TBX20: variants seen among roughly 807,000 people sequenced by gnomAD.
TBX20 encodes the protein T-box transcription factor 20.
TBX20 carries 8 observed loss-of-function variants against 42.9 expected under a neutral mutation model. The ratio of observed to expected loss-of-function variants is 0.19; its 90% CI spans 0.11 to 0.34. The LOEUF is 0.34. Among genes scored for constraint, TBX20 ranks in the 10% least tolerant of loss-of-function variants. The probability of loss-of-function intolerance (pLI) is 1.00; values close to 1 mark genes in which losing one functional copy is unlikely to be tolerated. For missense variants in TBX20, 411 were observed against 566.0 expected, an observed-to-expected ratio of 0.73 and a Z score of 2.78; for synonymous variants, 198 against 222.8, an observed-to-expected ratio of 0.89 and a Z score of 0.99.
chr7:35,204,676 A>G, intron 6 of TBX20, 94 bp from the exon 7 acceptor site: 1 of 922,966 alleles, frequency 1.1e-6, no homozygotes, highest in South Asian at 1.4e-5. Flanking sequence ...CAGTAAAACC[A>G]TTTTCTCAGC....
chr7:35,222,704 C>G (rs1789702461), intron 6 of TBX20, among the ~76,000 whole-genome samples: 1 of 152,076 alleles, frequency 6.6e-6, no homozygotes, highest in South Asian at 2.1e-4. Flanking sequence ...CAGGCTGGGA[C>G]AGCCCTCGCC....
At chr7:35,205,680 G>A (rs1191956098) in intron 6 of TBX20, among the ~76,000 whole-genome samples, 1 of 152,210 alleles carries the variant, frequency 6.6e-6, no homozygotes, top group Non-Finnish European at 1.5e-5. Context: ...TAAATTTGGT[G>A]TTGTAGAAAG....
chr7:35,225,296 C>T (rs2532170), intron 6 of TBX20, among the ~76,000 whole-genome samples: 13 of 151,828 alleles, frequency 8.6e-5, no homozygotes, highest in African/African-American at 2.9e-4. Context: ...ATTTTAGATA[C>T]GCCCAGTTGC....
intron 5 of TBX20, among the ~76,000 whole-genome samples, chr7:35,233,765 T>A (rs1034870632): frequency 6.6e-6 from 1 of 152,240 alleles, no homozygotes; most frequent in African/African-American, 2.4e-5. Context: ...ACAACTATAC[T>A]TAAAATGCGT....
chr7:35,210,258 G>A (rs796513844), intron 6 of TBX20, among the ~76,000 whole-genome samples: 37 of 151,860 alleles, frequency 2.4e-4, no homozygotes, highest in African/African-American at 8.7e-4. Context: ...GGGACTACAG[G>A]TGCCCACCAC....
Position 35,240,860 on chromosome 7 carries a change from T to C in TBX20, c.813+19A>G, listed in dbSNP as rs1419071913. 1.2e-6 allele frequency: 2 copies of C among 1,612,130 alleles called. No homozygotes were observed. Among genetic ancestry groups the C allele is most frequent in the Non-Finnish European group, 1.7e-6 (2 of 1,178,234 alleles). On this transcript the variant is annotated intron_variant, in intron 5 of 7. Transcript: ENST00000408931. ...ATCCTTCTCTTATGCAGGAACTAAA[T>C]TGTGAACTGTACACTCACCAGTTGA...
At chr7:35,228,595 T>C (rs1789815969) in intron 6 of TBX20, among the ~76,000 whole-genome samples, 1 of 152,156 alleles carries the variant, frequency 6.6e-6, no homozygotes, top group African/African-American at 2.4e-5. Flanking sequence ...AGATAACTCC[T>C]CCCAGTTATT....
intron 5 of TBX20, among the ~76,000 whole-genome samples, chr7:35,239,895 GC>G (rs1452902339): frequency 1.3e-5 from 2 of 152,020 alleles, no homozygotes; most frequent in Non-Finnish European, 2.9e-5. Context: ...GGGACTACAG[GC>G]ACCTGCCACC....
chr7:35,209,537 T>C (rs1199297890), intron 6 of TBX20, among the ~76,000 whole-genome samples: 1 of 152,188 alleles, frequency 6.6e-6, no homozygotes, highest in East Asian at 1.9e-4. Flanking sequence ...TTGATTATGG[T>C]AATTTATATT....
intron 3 of TBX20, among the ~76,000 whole-genome samples, chr7:35,245,980 G>T (rs1790175453): frequency 6.6e-6 from 1 of 152,162 alleles, no homozygotes; most frequent in Admixed American, 6.5e-5. Context: ...CCACGTAAAA[G>T]GTTATTTACA....
chr7:35,237,569 A>C (rs952143446), intron 5 of TBX20, among the ~76,000 whole-genome samples: 4 of 151,574 alleles, frequency 2.6e-5, no homozygotes, highest in African/African-American at 9.7e-5. Context: ...GTACGTTTGC[A>C]TATAGAGAGA....
At chr7:35,206,501 C>A (rs1294441195) in intron 6 of TBX20, among the ~76,000 whole-genome samples, 1 of 152,084 alleles carries the variant, frequency 6.6e-6, no homozygotes, top group African/African-American at 2.4e-5. Flanking sequence ...GAGCCGAGAT[C>A]GTGCCACTTC....
intron 6 of TBX20, among the ~76,000 whole-genome samples, chr7:35,225,584 A>C (rs1479536356): frequency 1.3e-5 from 2 of 152,364 alleles, no homozygotes; most frequent in African/African-American, 4.8e-5. Context: ...AGAACGTACA[A>C]ACTCGAAAAT....
intron 6 of TBX20, among the ~76,000 whole-genome samples, chr7:35,225,767 C>T (rs1789759554): frequency 6.6e-6 from 1 of 152,136 alleles, no homozygotes; most frequent in African/African-American, 2.4e-5. Flanking sequence ...ATTCCTGTAA[C>T]ATTTATGTAG....
At chr7:35,242,045 C>T (rs1226935091) in intron 4 of TBX20, among the ~76,000 whole-genome samples, 1 of 150,514 alleles carries the variant, frequency 6.6e-6, no homozygotes, top group Non-Finnish European at 1.5e-5. Flanking sequence ...TCTCAGGAGA[C>T]ATCTGACTAT....
In TBX20 at chr7:35,226,251, T is replaced by C. The variant is rs1055493175; in HGVS notation, c.890+5253A>G. On this transcript the variant is annotated intron_variant, in intron 6 of 7. Transcript: ENST00000408931. Reference sequence around the variant, plus strand: ...AAATCAAAGAACGAGAGCAACAGATTTGGTGATAAAACCATCTATGTATCA... The same window carrying C: ...AAATCAAAGAACGAGAGCAACAGATCTGGTGATAAAACCATCTATGTATCA... Among the ~76,000 whole-genome samples the C allele has an allele frequency of 7.8e-4, 118 of 151,938 alleles. 2 individuals are homozygous for C. Among genetic ancestry groups the C allele is most frequent in the Non-Finnish European group, 1.2e-4 (8 of 67,966 alleles).
chr7:35,220,533 GACAACTCTCTA>G (rs1789663949), intron 6 of TBX20, among the ~76,000 whole-genome samples: 1 of 152,150 alleles, frequency 6.6e-6, no homozygotes. Context: ...ATCTATCTGC[GACAACTCTCTA>G]ACTTAAACAG....
Position 35,202,608 on chromosome 7 carries a change from G to GT in TBX20, c.1165_1166insA (p.Pro389HisfsTer3). On this transcript the variant is annotated frameshift_variant, in exon 8 of 8. Coordinates refer to ENST00000408931, the MANE Select transcript of TBX20 (RefSeq NM_001077653.2). LOFTEE classifies it high-confidence loss of function. ...CAGAGGCATTCCCAGTCGGCTATAT[G>GT]GTGGCAGAGAACCCTGGATGGGGTG... The GT allele has an allele frequency of 6.2e-7, 1 of 1,613,968 alleles. No individual in the cohort carries two copies. Among genetic ancestry groups the GT allele is most frequent in the Non-Finnish European group, 8.5e-7 (1 of 1,179,898 alleles).
At position 35,253,540 on chromosome 7, in the gene TBX20, G is replaced by A. The variant is rs113390069; in HGVS notation, c.81C>T (p.Gly27=). The change falls in exon 1 of 8, where the codon GGC becomes GGT. Residue 27 remains glycine, a synonymous_variant. Transcript: ENST00000408931. ...AFSIAALMSS[G]GSKEKEATEN... is the part of the protein sequence containing the mutation. ...CCGTCGCCTCCTTCTCCTTAGAGCC[G>A]CCGCTCGACATGAGCGCGGCAATGG... 64 of 1,612,578 alleles carry A rather than the reference G, an allele frequency of 4.0e-5. No homozygotes were observed. Among genetic ancestry groups the A allele is most frequent in the Non-Finnish European group, 5.2e-5 (61 of 1,179,930 alleles).
Sources: gnomAD v4.1 joint callset for allele counts (sites outside exome capture counted in the v4.1 genomes callset) on GRCh38, gnomAD v4.1.1 for gene constraint, MANE v1.5 for transcripts, NCBI Gene and HGNC (gene_info 2026-07-23, HGNC 2026-07-21) for gene names.